Variants in LPP observed in about 807,000 individuals in gnomAD.
The protein encoded by LPP is LIM domain containing preferred translocation partner in lipoma, also known as lipoma-preferred partner.
LPP carries 38 observed loss-of-function variants against 60.4 expected under a neutral mutation model. The observed-to-expected ratio is 0.63, with a 90% CI of 0.49 to 0.83. LPP has a LOEUF of 0.83. Among genes scored for constraint, LPP ranks in the 40% least tolerant of loss-of-function variants. The pLI is 0.00. For synonymous variants in LPP, 328 were observed against 290.8 expected, an observed-to-expected ratio of 1.13 and a Z score of -1.30; for missense variants, 902 against 783.6, an observed-to-expected ratio of 1.15 and a Z score of -1.80.
In LPP at chr3:188,545,537, T is replaced by C. The variant is rs115505209; in HGVS notation, c.429+20750T>C. Among the ~76,000 whole-genome samples the C allele has an allele frequency of 6.9e-3, 1,056 of 152,174 alleles. 14 individuals are homozygous for C. The highest frequency in any genetic ancestry group is 0.024 in the African/African-American group (1,012 of 41,514). ...TTGATAGTACTCCATGAAAATAGCT[T>C]AACTCTGTTCTGTGAAATGAGCCCA... On this transcript the variant is annotated intron_variant, in intron 6 of 11. Transcript: ENST00000617246.
chr3:188,229,774 G>C (rs1719163522), intron 2 of LPP, among the ~76,000 whole-genome samples: 1 of 152,236 alleles, frequency 6.6e-6, no homozygotes, highest in Non-Finnish European at 1.5e-5. Flanking sequence ...TTCTGGCACA[G>C]TGGAGATACC....
Position 188,484,711 on chromosome 3 carries a change from G to A in LPP, c.306+7G>A. The A allele has an allele frequency of 6.3e-7, 1 of 1,592,086 alleles. No homozygotes were observed. The highest frequency in any genetic ancestry group is 8.6e-7 in the Non-Finnish European group (1 of 1,160,150). ...AGAGGCTTTCAAAGTACAGGTAAGA[G>A]CTGAAGTTAAAGTCATGTTAGGTAA... On this transcript the variant is annotated splice_region_variant and intron_variant, in intron 5 of 11. Transcript: ENST00000617246.
chr3:188,227,453 G>A (rs139004474), intron 2 of LPP, among the ~76,000 whole-genome samples: 6 of 149,748 alleles, frequency 4.0e-5, no homozygotes, highest in Non-Finnish European at 7.4e-5. Flanking sequence ...AGTTTTTGTT[G>A]TTCATAAGCT....
At chr3:188,167,233 C>T (rs148528599) in intron 1 of LPP, among the ~76,000 whole-genome samples, 1,825 of 152,238 alleles carry the variant, frequency 0.012, 33 homozygotes, top group African/African-American at 0.042. Flanking sequence ...CACGGTGGCT[C>T]AGGCCTGTAA....
At chr3:188,737,095 G>T (rs1307631884) in intron 8 of LPP, among the ~76,000 whole-genome samples, 1 of 148,716 alleles carries the variant, frequency 6.7e-6, no homozygotes, top group East Asian at 1.9e-4. Flanking sequence ...GATTACATGT[G>T]ATTTTATTTT....
At chr3:188,763,265 T>A (rs75372545) in intron 9 of LPP, among the ~76,000 whole-genome samples, 1 of 151,726 alleles carries the variant, frequency 6.6e-6, no homozygotes, top group African/African-American at 2.4e-5. Context: ...TTTTTTTTTT[T>A]AATTGATGGA....
intron 4 of LPP, among the ~76,000 whole-genome samples, chr3:188,424,109 A>C (rs1788637058): frequency 6.6e-6 from 1 of 152,066 alleles, no homozygotes; most frequent in South Asian, 2.1e-4. Context: ...TAAGTTTTTA[A>C]TTCATCTTGA....
intron 8 of LPP, among the ~76,000 whole-genome samples, chr3:188,740,661 G>C (rs1398593474): frequency 6.6e-6 from 1 of 151,876 alleles, no homozygotes; most frequent in Non-Finnish European, 1.5e-5. Flanking sequence ...GAAGTCTTTT[G>C]TCTTCAGCTT....
At chr3:188,676,286 C>T (rs1478033984) in intron 7 of LPP, among the ~76,000 whole-genome samples, 4 of 152,036 alleles carry the variant, frequency 2.6e-5, no homozygotes, top group African/African-American at 9.7e-5. Context: ...GGTGAAGCTA[C>T]ATAGATGTAA....
At chr3:188,428,033 C>T (rs1353673535) in intron 4 of LPP, among the ~76,000 whole-genome samples, 1 of 152,106 alleles carries the variant, frequency 6.6e-6, no homozygotes. Context: ...AAACCCAGGG[C>T]CCTGGTGGTG....
intron 4 of LPP, among the ~76,000 whole-genome samples, chr3:188,456,172 T>A (rs1367838586): frequency 6.6e-6 from 1 of 152,228 alleles, no homozygotes; most frequent in Admixed American, 6.5e-5. Flanking sequence ...CGTGAGCCAA[T>A]GGGCCTGACC....
At chr3:188,730,889 G>A (rs964981911) in intron 8 of LPP, among the ~76,000 whole-genome samples, 4 of 152,136 alleles carry the variant, frequency 2.6e-5, no homozygotes, top group Admixed American at 2.6e-4. Flanking sequence ...CATCCTCAAA[G>A]CCTGTAACAT....
At chr3:188,611,533 G>T (rs1171279819) in intron 7 of LPP, among the ~76,000 whole-genome samples, 1 of 152,138 alleles carries the variant, frequency 6.6e-6, no homozygotes, top group Non-Finnish European at 1.5e-5. Context: ...ACCCAGGGAA[G>T]ATTACAGTAA....
intron 8 of LPP, among the ~76,000 whole-genome samples, chr3:188,719,603 A>G (rs1430426263): frequency 6.6e-6 from 1 of 152,242 alleles, no homozygotes; most frequent in African/African-American, 2.4e-5. Context: ...GATGGGGCAC[A>G]CATTGTCTGT....
intron 2 of LPP, 30 bp from the exon 3 acceptor site, chr3:188,341,633 A>T (rs1763085669): frequency 1.1e-6 from 1 of 934,692 alleles, no homozygotes; most frequent in African/African-American, 1.8e-5. Context: ...TCTGGAAGTA[A>T]TTTTTACTTA....
intron 7 of LPP, among the ~76,000 whole-genome samples, chr3:188,698,770 T>TA (rs1292754076): frequency 6.6e-6 from 1 of 152,242 alleles, no homozygotes; most frequent in Non-Finnish European, 1.5e-5. Context: ...CTTTTGGTCC[T>TA]AAAGGCGAGA....
At chr3:188,527,753 C>CT (rs1247742084) in intron 6 of LPP, among the ~76,000 whole-genome samples, 1 of 116,890 alleles carries the variant, frequency 8.6e-6, no homozygotes, top group Non-Finnish European at 1.9e-5. Context: ...TGCTCCCTTT[C>CT]CTTTTTTTTT....
chr3:188,805,691 G>A (rs1181936370), intron 9 of LPP, among the ~76,000 whole-genome samples: 2 of 151,546 alleles, frequency 1.3e-5, no homozygotes, highest in Non-Finnish European at 3.0e-5. Flanking sequence ...AGATTCAGTT[G>A]TTGAGTTGAG....
At chr3:188,558,260 A>G (rs571401820) in intron 6 of LPP, among the ~76,000 whole-genome samples, 1 of 152,230 alleles carries the variant, frequency 6.6e-6, no homozygotes, top group East Asian at 1.9e-4. Context: ...TGTAGAGTTC[A>G]TATCCTCTCT....
Sources: allele counts gnomAD v4.1 joint callset (sites outside exome capture counted in the v4.1 genomes callset), GRCh38; gene constraint gnomAD v4.1.1; transcripts MANE v1.5; gene names NCBI Gene and HGNC (gene_info 2026-07-23, HGNC 2026-07-21).